ACSS1: variants seen among roughly 807,000 people sequenced by gnomAD.
ACSS1 encodes the protein acyl-CoA synthetase short chain family member 1.
In ACSS1, 42 loss-of-function variants were observed where a neutral mutation model predicts 75.3. That is an observed-to-expected ratio of 0.56 (90% CI 0.44 to 0.72). The LOEUF (loss-of-function observed/expected upper bound fraction) is 0.72, where lower values mean the gene tolerates loss of function less well. ACSS1 is among the 30% of genes least tolerant of loss of function. ACSS1 has a pLI of 0.00. For missense variants in ACSS1, 782 were observed against 935.7 expected, an observed-to-expected ratio of 0.84 and a Z score of 2.14; for synonymous variants, 380 against 376.8, an observed-to-expected ratio of 1.01 and a Z score of -0.10.
chr20:25,054,802 G>T (rs760531869), intron 1 of ACSS1, among the ~76,000 whole-genome samples: 3 of 152,212 alleles, frequency 2.0e-5, no homozygotes, highest in Non-Finnish European at 2.9e-5. Context: ...AGGCCCAATA[G>T]ATCACACAAA....
chr20:25,048,692 C>G (rs1051059893), intron 1 of ACSS1, among the ~76,000 whole-genome samples: 5 of 152,260 alleles, frequency 3.3e-5, no homozygotes, highest in African/African-American at 7.2e-5. Flanking sequence ...CCAACTCCCC[C>G]ACGTGTTCCA....
At chr20:25,048,258 G>T in intron 1 of ACSS1, 77 bp from the exon 2 acceptor site, 1 of 1,316,544 alleles carries the variant, frequency 7.6e-7, no homozygotes, top group Non-Finnish European at 1.1e-6. Flanking sequence ...AGGGGTTGGA[G>T]CGGGTCTAGT....
rs1600300915 is a variant in ACSS1 at position 25,007,598 on chromosome 20, G to A, written c.*164C>T. The A allele has an allele frequency of 6.8e-7, 1 of 1,467,076 alleles. No homozygotes were observed. The highest frequency in any genetic ancestry group is 1.4e-5 in the South Asian group (1 of 70,854). The allele number at this position is 1,467,076 out of a possible 1,614,324, so 90.9% of individuals were successfully genotyped here. The stretch of plus-strand genomic sequence containing the variant: ...CTCCTGGGACCTCCAATGGATGGGA[G>A]AAAGGGCTCTCAGCCCAGCTTCACG... On this transcript the variant is annotated 3_prime_UTR_variant, in exon 14 of 14. Transcript: ENST00000323482.
chr20:25,028,514 G>A (rs936118947), intron 3 of ACSS1, among the ~76,000 whole-genome samples: 1 of 152,144 alleles, frequency 6.6e-6, no homozygotes, highest in Admixed American at 6.6e-5. Flanking sequence ...ATTTAACAGG[G>A]AAAAGAACAG....
Position 25,013,985 on chromosome 20 carries a change from G to A in ACSS1, c.1428C>T (p.Ile476=), listed in dbSNP as rs753065403. The A allele has an allele frequency of 2.5e-6, 4 of 1,613,830 alleles. No individual in the cohort carries two copies. The highest frequency in any genetic ancestry group is 1.1e-5 in the South Asian group (1 of 91,032). ...PAMAMRPFFG[I]VPVLMDEKGS... ...CCTTCTCATCCATGAGGACGGGGAC[G>A]ATGCCAAAGAAGGGCCTCATCGCCA... Residue 476 remains isoleucine (I), a synonymous_variant, in exon 9 of 14, where the codon ATC becomes ATT. Transcript: ENST00000323482.
intron 13 of ACSS1, among the ~76,000 whole-genome samples, chr20:25,008,543 C>T (rs1290708054): frequency 1.3e-5 from 2 of 152,204 alleles, no homozygotes; most frequent in Non-Finnish European, 2.9e-5. Context: ...GTGTCAACTC[C>T]TGTAATACCA....
chr20:25,020,273 T>A, intron 6 of ACSS1, 126 bp from the exon 7 acceptor site: 1 of 1,318,084 alleles, frequency 7.6e-7, no homozygotes, highest in Non-Finnish European at 1.0e-6. Flanking sequence ...ATGAAAGGGA[T>A]CCCCCCAACC....
rs371878838 is a variant in ACSS1 at position 25,022,954 on chromosome 20, C to T, written c.946G>A (p.Ala316Thr). Reference protein sequence around the residue: ...HTQAGYLLYAALTHKLVFDHQ... With the variant: ...HTQAGYLLYATLTHKLVFDHQ... ...CAGGCCTGTACCTTGTGAGTCAGGG[C>T]GGCATAGAGCAGGTAGCCTGCCTGG... Residue 316 changes from alanine (A) to threonine (T), a missense_variant, in exon 5 of 14, where the codon GCC (alanine) becomes ACC (threonine). Transcript: ENST00000323482. The T allele has an allele frequency of 3.3e-5, 53 of 1,612,948 alleles. No individual in the cohort carries two copies. Among genetic ancestry groups the T allele is most frequent in the South Asian group, 1.1e-4 (10 of 90,960 alleles).
chr20:25,038,295 C>A (rs1266699929), intron 2 of ACSS1, among the ~76,000 whole-genome samples: 1 of 152,182 alleles, frequency 6.6e-6, no homozygotes, highest in East Asian at 1.9e-4. Context: ...AATGACTGAT[C>A]AGAGAGCAGG....
At chr20:25,027,779 C>CAAAAAAAAAAA (rs78414153) in intron 3 of ACSS1, among the ~76,000 whole-genome samples, 5 of 75,354 alleles carry the variant, frequency 6.6e-5, no homozygotes, top group African/African-American at 1.0e-4. Context: ...AGTGATCAGG[C>CAAAAAAAAAAA]AAAAAAAAAA....
chr20:25,034,716 G>A (rs1414707330), intron 2 of ACSS1, among the ~76,000 whole-genome samples: 1 of 151,928 alleles, frequency 6.6e-6, no homozygotes, highest in African/African-American at 2.4e-5. Flanking sequence ...TTACAGGCAT[G>A]CACCACCATG....
intron 1 of ACSS1, among the ~76,000 whole-genome samples, chr20:25,054,091 C>T (rs1263859191): frequency 1.3e-5 from 2 of 152,252 alleles, no homozygotes; most frequent in Non-Finnish European, 2.9e-5. Flanking sequence ...AAGCAAGTCA[C>T]AGAAGGGCAC....
chr20:25,040,717 C>T (rs1175894973), intron 2 of ACSS1, among the ~76,000 whole-genome samples: 1 of 152,184 alleles, frequency 6.6e-6, no homozygotes, highest in East Asian at 1.9e-4. Flanking sequence ...CCACGGAGCC[C>T]GTTTGACACT....
At chr20:25,049,035 C>T (rs1162763971) in intron 1 of ACSS1, among the ~76,000 whole-genome samples, 1 of 152,192 alleles carries the variant, frequency 6.6e-6, no homozygotes, top group Non-Finnish European at 1.5e-5. Context: ...CAGCACCCAC[C>T]CACCTGGTCT....
At position 25,023,112 on chromosome 20, in the gene ACSS1, A is replaced by G; in HGVS notation, c.808-20T>C. ...CATTTCCTGGCAGGGAGAAGAAACAAACAGCCCACCGAGGGCACTCAGCCT... is the reference window on the plus strand; with the variant it reads ...CATTTCCTGGCAGGGAGAAGAAACAGACAGCCCACCGAGGGCACTCAGCCT... On this transcript the variant is annotated intron_variant, in intron 4 of 13. Transcript: ENST00000323482. 1.9e-6 allele frequency: 3 copies of G among 1,605,002 alleles called. No homozygotes were observed. The highest frequency in any genetic ancestry group is 2.6e-6 in the Non-Finnish European group (3 of 1,175,618).
At chr20:25,043,072 C>T (rs1471752819) in intron 2 of ACSS1, among the ~76,000 whole-genome samples, 1 of 152,134 alleles carries the variant, frequency 6.6e-6, no homozygotes, top group Non-Finnish European at 1.5e-5. Context: ...GCCCCTCCCC[C>T]TGCCAGGGAC....
chr20:25,032,628 C>A (rs1428605322), intron 2 of ACSS1: 1 of 1,230,352 alleles, frequency 8.1e-7, no homozygotes, highest in African/African-American at 1.5e-5. Context: ...AGAAAGCAGA[C>A]CCTCCTCGGG....
chr20:25,053,594 A>G (rs2089205493), intron 1 of ACSS1, among the ~76,000 whole-genome samples: 1 of 152,128 alleles, frequency 6.6e-6, no homozygotes. Flanking sequence ...TACTTTAATC[A>G]CTGGAATCAC....
chr20:25,041,474 C>A (rs1160539335), intron 2 of ACSS1, among the ~76,000 whole-genome samples: 1 of 152,174 alleles, frequency 6.6e-6, no homozygotes, highest in African/African-American at 2.4e-5. Flanking sequence ...CCCACAGACT[C>A]TCCATGGCAG....
Sources: gnomAD v4.1 joint callset for allele counts (sites outside exome capture counted in the v4.1 genomes callset) on GRCh38, gnomAD v4.1.1 for gene constraint, MANE v1.5 for transcripts, NCBI Gene and HGNC (gene_info 2026-07-23, HGNC 2026-07-21) for gene names.